Variants in EPC1 observed in about 807,000 individuals in gnomAD.
EPC1 encodes the protein enhancer of polycomb homolog 1.
Under a neutral mutation model 98.4 loss-of-function variants are expected in EPC1, and 12 were observed. The ratio of observed to expected loss-of-function variants is 0.12; its 90% CI spans 0.08 to 0.20. The LOEUF is 0.20. Among genes scored for constraint, EPC1 ranks in the 10% least tolerant of loss-of-function variants. EPC1 has a pLI of 1.00. For synonymous variants in EPC1, 357 were observed against 363.9 expected, an observed-to-expected ratio of 0.98 and a Z score of 0.21; for missense variants, 729 against 990.5, an observed-to-expected ratio of 0.74 and a Z score of 3.54.
upstream of EPC1, among the ~76,000 whole-genome samples, chr10:32,350,298 G>A (rs1592631343): frequency 6.6e-6 from 1 of 152,312 alleles, no homozygotes; most frequent in African/African-American, 2.4e-5. Context: ...ACTGGTAAAT[G>A]GATACCCAGT....
At chr10:32,338,198 G>A (rs781592198) in intron 1 of EPC1, among the ~76,000 whole-genome samples, 8 of 152,084 alleles carry the variant, frequency 5.3e-5, no homozygotes, top group Non-Finnish European at 1.0e-4. Context: ...CCTGTAAGAG[G>A]CCCACTCATC....
At position 32,286,744 on chromosome 10, in the gene EPC1, T is replaced by G; in HGVS notation, c.1341A>C (p.Val447=). 1.2e-6 allele frequency: 2 copies of G among 1,614,132 alleles called. No homozygotes were observed. The highest frequency in any genetic ancestry group is 8.5e-7 in the Non-Finnish European group (1 of 1,180,036). Residue 447 remains valine, a synonymous_variant, in exon 9 of 14, where the codon GTA becomes GTC. Transcript: ENST00000319778. Reference sequence around the variant, plus strand: ...GTGCAAATCCAATACACCTTTGGGGTACGGTGAGAGTAGTTAAGCAGTATC... The same window carrying G: ...GTGCAAATCCAATACACCTTTGGGGGACGGTGAGAGTAGTTAAGCAGTATC... ...RYRYCLTTLT[V]PQRCIGFARR...
chr10:32,343,700 G>GGT (rs1554824230), intron 1 of EPC1, among the ~76,000 whole-genome samples: 1 of 150,718 alleles, frequency 6.6e-6, no homozygotes, highest in Non-Finnish European at 1.5e-5. Context: ...ATTTTGGGGG[G>GGT]GGGGTGTAAG....
At chr10:32,276,807 T>C (rs1034536727) in intron 10 of EPC1, among the ~76,000 whole-genome samples, 2 of 152,152 alleles carry the variant, frequency 1.3e-5, no homozygotes, top group Admixed American at 1.3e-4. Flanking sequence ...TATGAATGGA[T>C]TGAGATATCA....
chr10:32,358,036 G>C (rs1018719481), intron 1 of EPC1, among the ~76,000 whole-genome samples: 3 of 151,372 alleles, frequency 2.0e-5, no homozygotes. Context: ...TGTATTTTTA[G>C]TGGAGACAAG....
chr10:32,292,953 T>A, intron 4 of EPC1, 35 bp downstream of exon 4: 1 of 1,340,870 alleles, frequency 7.5e-7, no homozygotes, highest in Non-Finnish European at 1.0e-6. Flanking sequence ...ATTTTTATTA[T>A]ATAATTATCA....
intron 9 of EPC1, chr10:32,286,409 A>G (rs2132701588): frequency 2.3e-6 from 1 of 428,224 alleles, no homozygotes; most frequent in Non-Finnish European, 4.2e-6. Flanking sequence ...ACTTGTCTTC[A>G]TCTGTTGCCC....
At chr10:32,370,377 T>C (rs1047427083) in intron 1 of EPC1, among the ~76,000 whole-genome samples, 10 of 152,162 alleles carry the variant, frequency 6.6e-5, no homozygotes, top group African/African-American at 2.4e-4. Flanking sequence ...TTTGGTTTAG[T>C]GGGTTGCTTC....
Position 32,302,921 on chromosome 10 carries a change from AGGAAACAGTGT to A in EPC1, c.313+2840_313+2850del, listed in dbSNP as rs1323688091. On this transcript the variant is annotated intron_variant, in intron 2 of 13. Coordinates refer to ENST00000319778, the MANE Select transcript of EPC1 (RefSeq NM_001272004.3). ...TAATATAAAATGGTACATCTACTCC[AGGAAACAGTGT>A]GGAAACAGTGTCCTTCCAAACTAAA... Among the ~76,000 whole-genome samples, 6 of 152,332 alleles carry A rather than the reference AGGAAACAGTGT, an allele frequency of 3.9e-5. No homozygotes were observed. The South Asian group carries it at 1.0e-3, about 26-fold the overall frequency.
At chr10:32,278,987 T>C (rs1436833737) in intron 10 of EPC1, among the ~76,000 whole-genome samples, 1 of 152,182 alleles carries the variant, frequency 6.6e-6, no homozygotes, top group African/African-American at 2.4e-5. Context: ...GAACTATTAA[T>C]GTATTTTACT....
intron 1 of EPC1, among the ~76,000 whole-genome samples, chr10:32,359,238 T>C (rs1839370233): frequency 6.6e-6 from 1 of 152,166 alleles, no homozygotes; most frequent in South Asian, 2.1e-4. Context: ...TTTAAAATAT[T>C]ATCCTTATCA....
At chr10:32,296,005 C>T (rs1341424561) in intron 2 of EPC1, among the ~76,000 whole-genome samples, 1 of 151,690 alleles carries the variant, frequency 6.6e-6, no homozygotes, top group African/African-American at 2.4e-5. Flanking sequence ...CTTACTGCAA[C>T]CTCTGCCGCC....
chr10:32,368,865 T>C (rs758623285), intron 1 of EPC1, among the ~76,000 whole-genome samples: 1 of 152,234 alleles, frequency 6.6e-6, no homozygotes, highest in Non-Finnish European at 1.5e-5. Context: ...GCACTTTAGA[T>C]GCACAAACTC....
chr10:32,331,691 T>C (rs1283691685), intron 1 of EPC1, among the ~76,000 whole-genome samples: 1 of 152,236 alleles, frequency 6.6e-6, no homozygotes, highest in African/African-American at 2.4e-5. Context: ...TTGTTTTATT[T>C]ACCATGTGAA....
At chr10:32,269,239 T>C (rs934105282) in intron 13 of EPC1, 104 bp from the exon 14 acceptor site, 12 of 889,460 alleles carry the variant, frequency 1.3e-5, no homozygotes, top group African/African-American at 1.2e-4. Context: ...CAGGAAGAAA[T>C]TGGACTCTTT....
Position 32,369,235 on chromosome 10 carries a change from A to G in EPC1, c.3+9256T>C, listed in dbSNP as rs193124187. 2.9e-4 allele frequency among the ~76,000 whole-genome samples: 44 copies of G among 152,340 alleles called. No individual in the cohort carries two copies. In the Middle Eastern group the frequency reaches 0.014, roughly 47 times the overall value. ...AGAATATGACATTCTGCCAAATTCA[A>G]AGGTATTTAGATTTAGATATAAAAG... On this transcript the variant is annotated intron_variant, in intron 1 of 13. Transcript: ENST00000375110.
Position 32,321,727 on chromosome 10 carries a change from G to A in EPC1, c.154-15796C>T, listed in dbSNP as rs377170776. On this transcript the variant is annotated intron_variant, in intron 1 of 13. Coordinates refer to ENST00000319778, the MANE Select transcript of EPC1 (RefSeq NM_001272004.3). ...TGAAGACTGATTAAGTCACTTGTCC[G>A]AAGTGGCGGAAGTAGGATTTGGACT... Among the ~76,000 whole-genome samples, 50 of 151,936 alleles carry A rather than the reference G, an allele frequency of 3.3e-4. No homozygotes were observed. The South Asian group carries it at 9.2e-3, about 28-fold the overall frequency.
At chr10:32,288,831 T>G (rs1199414226) in intron 6 of EPC1, among the ~76,000 whole-genome samples, 3 of 151,830 alleles carry the variant, frequency 2.0e-5, no homozygotes, top group Non-Finnish European at 2.9e-5. Context: ...GGCTCATGCC[T>G]GTAATCCCAG....
intron 5 of EPC1, chr10:32,291,614 A>G (rs1834854963): frequency 5.7e-6 from 1 of 176,464 alleles, no homozygotes; most frequent in Non-Finnish European, 1.2e-5. Flanking sequence ...AAAATATATA[A>G]TTTTTATTTG....
Sources: allele counts gnomAD v4.1 joint callset (sites outside exome capture counted in the v4.1 genomes callset), GRCh38; gene constraint gnomAD v4.1.1; transcripts MANE v1.5; gene names NCBI Gene and HGNC (gene_info 2026-07-23, HGNC 2026-07-21).